TRAK1: variants seen among roughly 807,000 people sequenced by gnomAD.
TRAK1 encodes the protein trafficking kinesin-binding protein 1.
TRAK1 carries 33 observed loss-of-function variants against 92.1 expected under a neutral mutation model. That is an observed-to-expected ratio of 0.36 (90% CI 0.27 to 0.48). TRAK1 has a LOEUF of 0.48. Among genes scored for constraint, TRAK1 ranks in the 20% least tolerant of loss-of-function variants. The pLI is 0.99. For synonymous variants in TRAK1, 521 were observed against 517.3 expected (o/e 1.01, Z -0.10); for missense variants, 1,123 against 1,257.9 (o/e 0.89, Z 1.62).
At chr3:42,217,514 C>CA (rs1709854393) in intron 14 of TRAK1, 1 of 985,278 alleles carries the variant, frequency 1.0e-6, no homozygotes, top group African/African-American at 1.7e-5. Flanking sequence ...GTCCATCTTA[C>CA]ACTCCCTATT....
intron 13 of TRAK1, among the ~76,000 whole-genome samples, chr3:42,206,581 C>T (rs1182655464): frequency 6.6e-6 from 1 of 152,206 alleles, no homozygotes; most frequent in Non-Finnish European, 1.5e-5. Flanking sequence ...ATGCAGACAG[C>T]AGGGATAACG....
intron 2 of TRAK1, among the ~76,000 whole-genome samples, chr3:42,128,589 CA>C (rs1189507524): frequency 2.6e-5 from 4 of 152,000 alleles, no homozygotes; most frequent in Admixed American, 6.6e-5. Flanking sequence ...TAAAAAGGAG[CA>C]AAAAAATTAC....
At chr3:42,110,132 A>ATATAT (rs58099544) in intron 1 of TRAK1, among the ~76,000 whole-genome samples, 63 of 128,078 alleles carry the variant, frequency 4.9e-4, no homozygotes, top group Middle Eastern at 4.3e-3. Flanking sequence ...ATATATATAT[A>ATATAT]AACTTTGTGT....
At chr3:42,218,463 G>GGGGGC in intron 14 of TRAK1, 1 of 688,422 alleles carries the variant, frequency 1.5e-6, no homozygotes, top group Non-Finnish European at 1.8e-6. Context: ...GGTTGGGTGG[G>GGGGGC]AGAATCATCC....
intron 2 of TRAK1, among the ~76,000 whole-genome samples, chr3:42,158,051 T>C (rs1700769361): frequency 6.6e-6 from 1 of 152,212 alleles, no homozygotes; most frequent in South Asian, 2.1e-4. Flanking sequence ...CTGTATATTT[T>C]AAATATTTTT....
intron 1 of TRAK1, among the ~76,000 whole-genome samples, chr3:42,110,093 A>AAT (rs1708149480): frequency 2.7e-5 from 1 of 37,688 alleles, no homozygotes; most frequent in Non-Finnish European, 4.8e-5. Context: ...TAGAACTTAA[A>AAT]GTATATATAT....
At chr3:42,093,694 C>T (rs796258891) in intron 1 of TRAK1, among the ~76,000 whole-genome samples, 102 of 31,858 alleles carry the variant, frequency 3.2e-3, no homozygotes, top group Admixed American at 8.2e-3. Flanking sequence ...CCCCTCCCCT[C>T]CCCTCCCCTC....
intron 1 of TRAK1, among the ~76,000 whole-genome samples, chr3:42,104,975 G>T (rs1233709665): frequency 6.9e-6 from 1 of 145,148 alleles, no homozygotes; most frequent in African/African-American, 2.6e-5. Flanking sequence ...TTTTGAGACA[G>T]AGTTTCGCTT....
At chr3:42,041,293 C>T (rs1164762617) in intron 1 of TRAK1, among the ~76,000 whole-genome samples, 1 of 152,078 alleles carries the variant, frequency 6.6e-6, no homozygotes, top group Non-Finnish European at 1.5e-5. Context: ...TTTCTTTCCA[C>T]ATTGTTTGTG....
intron 1 of TRAK1, among the ~76,000 whole-genome samples, chr3:42,102,690 C>A (rs553363865): frequency 6.6e-6 from 1 of 152,312 alleles, no homozygotes; most frequent in Non-Finnish European, 1.5e-5. Context: ...TCTACCCTGA[C>A]CTTCCAGTGT....
upstream of TRAK1, among the ~76,000 whole-genome samples, chr3:42,085,546 G>A (rs1342828763): frequency 6.6e-6 from 1 of 152,220 alleles, no homozygotes; most frequent in Non-Finnish European, 1.5e-5. Context: ...GGAATTCCTG[G>A]TGTATTTTGG....
At chr3:42,117,957 T>C (rs1180594762) in intron 1 of TRAK1, among the ~76,000 whole-genome samples, 1 of 152,126 alleles carries the variant, frequency 6.6e-6, no homozygotes, top group African/African-American at 2.4e-5. Context: ...GTAGCTGGGA[T>C]TACAGGCACG....
intron 1 of TRAK1, among the ~76,000 whole-genome samples, chr3:42,115,988 C>T (rs1026771233): frequency 6.6e-6 from 1 of 152,226 alleles, no homozygotes; most frequent in Admixed American, 6.5e-5. Context: ...GTTCCCAATC[C>T]TCATCCTGCA....
intron 3 of TRAK1, among the ~76,000 whole-genome samples, chr3:42,180,719 G>A (rs923119672): frequency 1.3e-5 from 2 of 151,804 alleles, no homozygotes; most frequent in East Asian, 3.9e-4. Context: ...AAGGTGGAGG[G>A]TGGAGAAAGA....
intron 1 of TRAK1, among the ~76,000 whole-genome samples, chr3:42,043,875 C>A (rs1242960846): frequency 1.3e-5 from 2 of 151,032 alleles, no homozygotes. Flanking sequence ...CCTTCTATAC[C>A]TTTCAGTTGG....
At chr3:42,192,954 C>G in intron 7 of TRAK1, 121 bp from the exon 8 acceptor site, 1 of 1,435,470 alleles carries the variant, frequency 7.0e-7, no homozygotes, top group East Asian at 2.3e-5. Flanking sequence ...ACCCTCCCCA[C>G]TCTACCCTGT....
At chr3:42,149,388 C>G in intron 2 of TRAK1, 1 of 1,447,582 alleles carries the variant, frequency 6.9e-7, no homozygotes, top group Non-Finnish European at 9.1e-7. Flanking sequence ...TGGCTCCAGA[C>G]TGTCGTTAAG....
At chr3:42,160,015 G>C (rs2149296743) in intron 2 of TRAK1, among the ~76,000 whole-genome samples, 1 of 152,336 alleles carries the variant, frequency 6.6e-6, no homozygotes, top group Middle Eastern at 3.4e-3. Flanking sequence ...AGAGGGTCTA[G>C]GAGGCCGAGA....
At chr3:42,095,256 G>T (rs1305698446) in intron 1 of TRAK1, among the ~76,000 whole-genome samples, 1 of 152,132 alleles carries the variant, frequency 6.6e-6, no homozygotes, top group Non-Finnish European at 1.5e-5. Flanking sequence ...TCTGAGGTGG[G>T]TACTGTTACC....
Sources: gnomAD v4.1 joint callset for allele counts (sites outside exome capture counted in the v4.1 genomes callset) on GRCh38, gnomAD v4.1.1 for gene constraint, MANE v1.5 for transcripts, NCBI Gene and HGNC (gene_info 2026-07-23, HGNC 2026-07-21) for gene names.